Variants in DSP observed in about 807,000 individuals in gnomAD.
DSP encodes the protein 250/210 kDa paraneoplastic pemphigus antigen.
A neutral mutation model predicts 290.6 loss-of-function variants in DSP; 114 were observed. The ratio of observed to expected loss-of-function variants is 0.39; its 90% CI spans 0.34 to 0.46. DSP has a LOEUF of 0.46. Among genes scored for constraint, DSP ranks in the 20% least tolerant of loss-of-function variants. The probability of loss-of-function intolerance (pLI) is 0.99; values close to 1 mark genes in which losing one functional copy is unlikely to be tolerated. For missense variants in DSP, 3,230 were observed against 3,495.8 expected (o/e 0.92, Z 1.92); for synonymous variants, 1,311 against 1,316.4 (o/e 1.00, Z 0.09).
At chr6:7,548,753 G>A (rs1464533598) in intron 1 of DSP, among the ~76,000 whole-genome samples, 6 of 152,312 alleles carry the variant, frequency 3.9e-5, no homozygotes, top group Admixed American at 2.0e-4. Flanking sequence ...GCTCACTGCT[G>A]GAGTGGGAAT....
At position 7,582,185 on chromosome 6, in the gene DSP, A is replaced by G. The variant is rs1376668587; in HGVS notation, c.5380-457A>G. 1.4e-5 allele frequency among the ~76,000 whole-genome samples: 2 copies of G among 146,522 alleles called. No homozygotes were observed. Among genetic ancestry groups the G allele is most frequent in the Non-Finnish European group, 3.0e-5 (2 of 66,724 alleles). The stretch of plus-strand genomic sequence containing the variant: ...GTGTGTGTATATCTATATATTATAT[A>G]TATAATTATATAATTACATAATATA... On this transcript the variant is annotated intron_variant, in intron 23 of 23. Transcript: ENST00000379802. The surrounding 1 kb of genome is among the most constrained non-coding windows in gnomAD (Gnocchi z 4.2).
chr6:7,577,141 A>G (rs1476878763), intron 20 of DSP, 99 bp downstream of exon 20: 4 of 891,682 alleles, frequency 4.5e-6, no homozygotes, highest in East Asian at 5.3e-5. Context: ...TCCTGAGGAT[A>G]GCAATTACGG....
intron 1 of DSP, among the ~76,000 whole-genome samples, chr6:7,554,225 T>C (rs909691930): frequency 6.6e-6 from 1 of 152,090 alleles, no homozygotes; most frequent in Non-Finnish European, 1.5e-5. Flanking sequence ...TGAGGACTTT[T>C]CACAGACATT....
rs1759391942 is a variant in DSP at position 7,580,450 on chromosome 6, A to G, written c.4260A>G (p.Thr1420=). The G allele has an allele frequency of 3.7e-6, 6 of 1,614,098 alleles. No homozygotes were observed. The highest frequency in any genetic ancestry group is 5.1e-6 in the Non-Finnish European group (6 of 1,180,024). Residue 1420 remains threonine, a synonymous_variant, in exon 23 of 24, where the codon ACA becomes ACG. Coordinates refer to ENST00000379802, the MANE Select transcript of DSP (RefSeq NM_004415.4). This position sits in a 1 kb window ranked among gnomAD's most constrained non-coding sequence, Gnocchi z 4.2. ...TGAAGAACACTCTAACCCAGACCAC[A>G]GAGAATCTCAGGAGGGTGGAAGAAG... ...KRLKNTLTQT[T]ENLRRVEEDI...
At position 7,585,673 on chromosome 6, in the gene DSP, A is replaced by C. The variant is rs1341500885; in HGVS notation, c.8411A>C (p.Glu2804Ala). ...VEDITGLRLL[E>A]AASVSSKGLP... ...GATATCACTGGGCTGCGCCTTCTGGAAGCCGCCTCCGTGTCGTCCAAGGGC... is the reference window on the plus strand; with the variant it reads ...GATATCACTGGGCTGCGCCTTCTGGCAGCCGCCTCCGTGTCGTCCAAGGGC... Residue 2804 changes from glutamate (E) to alanine (A), a missense_variant, in exon 24 of 24, where the codon GAA (glutamate) becomes GCA (alanine). Around this residue, in one of 5 missense-constraint regions of DSP, gnomAD observed 582 missense variants for 555.4 expected, o/e 1.05. Transcript: ENST00000379802. The C allele has an allele frequency of 6.2e-7, 1 of 1,614,202 alleles. No homozygotes were observed. Among genetic ancestry groups the C allele is most frequent in the Non-Finnish European group, 8.5e-7 (1 of 1,180,028 alleles).
Position 7,584,331 on chromosome 6 carries a change from G to A in DSP, c.7069G>A (p.Glu2357Lys). The stretch of plus-strand genomic sequence containing the variant: ...CTCTTTGTTCCAAGCCATGAATAAG[G>A]AACTCATCGAAAAGGGCCACGGTAT... ...IISLFQAMNK[E>K]LIEKGHGIRL... Residue 2357 changes from glutamate to lysine, a missense_variant, in exon 24 of 24, where the codon GAA (glutamate) becomes AAA (lysine). By Grantham distance (56) the Glu-to-Lys change is moderately conservative. Coordinates refer to ENST00000379802, the MANE Select transcript of DSP (RefSeq NM_004415.4). The surrounding 1 kb of genome is among the most constrained non-coding windows in gnomAD (Gnocchi z 6.4). 1.2e-6 allele frequency: 2 copies of A among 1,614,110 alleles called. No individual in the cohort carries two copies. The highest frequency in any genetic ancestry group is 1.7e-6 in the Non-Finnish European group (2 of 1,180,008).
At chr6:7,567,756 C>A in intron 9 of DSP, 25 bp from the exon 10 acceptor site, 2 of 1,613,712 alleles carry the variant, frequency 1.2e-6, no homozygotes, top group South Asian at 2.2e-5. Flanking sequence ...GCTGTTCATT[C>A]ACTGATCACT....
intron 9 of DSP, 83 bp from the exon 10 acceptor site, chr6:7,567,698 A>G: frequency 6.3e-7 from 1 of 1,598,248 alleles, no homozygotes; most frequent in Non-Finnish European, 8.6e-7. Context: ...ATGTTTAGGG[A>G]TGACAATCCT....
In DSP at chr6:7,570,492, A is replaced by G; in HGVS notation, c.1630A>G (p.Met544Val). The G allele has an allele frequency of 6.2e-7, 1 of 1,614,158 alleles. No homozygotes were observed. The highest frequency in any genetic ancestry group is 8.5e-7 in the Non-Finnish European group (1 of 1,180,036). The stretch of plus-strand genomic sequence containing the variant: ...TCTGTGGAACCAGCTCTACATCAAC[A>G]TGAAGAGCCTGGTGTCCTGGCACTA... ...LALWNQLYINMKSLVSWHYCM... is the reference protein window; with the variant it reads ...LALWNQLYINVKSLVSWHYCM... Residue 544 changes from methionine to valine, a missense_variant, in exon 13 of 24, where the codon ATG becomes GTG. Around this residue, in one of 5 missense-constraint regions of DSP, gnomAD observed 81 missense variants for 130.5 expected, o/e 0.62. Transcript: ENST00000379802.
chr6:7,548,601 G>A (rs991149642), intron 1 of DSP, among the ~76,000 whole-genome samples: 4 of 152,252 alleles, frequency 2.6e-5, no homozygotes, highest in African/African-American at 9.6e-5. Flanking sequence ...AACACACAGT[G>A]TGAAAATCGA....
At position 7,579,839 on chromosome 6, in the gene DSP, A is replaced by T. The variant is rs770484693; in HGVS notation, c.3649A>T (p.Thr1217Ser). 33 of 1,614,086 alleles carry T rather than the reference A, an allele frequency of 2.0e-5. No homozygotes were observed. Among genetic ancestry groups the T allele is most frequent in the African/African-American group, 2.7e-5 (2 of 74,938 alleles). The change falls in exon 23 of 24, where the codon ACG (threonine) becomes TCG (serine). Residue 1217 changes from threonine to serine, a missense_variant. By Grantham distance (58) the Thr-to-Ser change is moderately conservative. Coordinates refer to ENST00000379802, the MANE Select transcript of DSP (RefSeq NM_004415.4). This position sits in a 1 kb window ranked among gnomAD's most constrained non-coding sequence, Gnocchi z 4.1. The stretch of plus-strand genomic sequence containing the variant: ...CAAGTATGAAACAGAGATTAACATT[A>T]CGAAGACCACCATCAAGGAGATATC... ...RNKYETEINITKTTIKEISMQ... is the reference protein window; with the variant it reads ...RNKYETEINISKTTIKEISMQ...
chr6:7,567,970 G>A (rs1581801985), intron 10 of DSP, 64 bp downstream of exon 10: 1 of 1,599,716 alleles, frequency 6.3e-7, no homozygotes, highest in East Asian at 2.2e-5. Flanking sequence ...CACATGCCTT[G>A]GATGCAGTTG....
Position 7,576,458 on chromosome 6 carries a change from T to C in DSP, c.2793+2T>C. The C allele has an allele frequency of 6.2e-7, 1 of 1,614,100 alleles. No homozygotes were observed. The highest frequency in any genetic ancestry group is 1.7e-4 in the Middle Eastern group (1 of 6,060). On this transcript the variant is annotated splice_donor_variant, in intron 19 of 23. Transcript: ENST00000379802. LOFTEE classifies it high-confidence loss of function. ...ATGCGGTTTTTGAATGAGCAGAAGG[T>C]ATAAGCCAACTTTTTGTTCCATAGC...
chr6:7,566,386 A>G lies in DSP; in HGVS notation c.949A>G (p.Ser317Gly). 6.2e-7 allele frequency: 1 copy of G among 1,613,346 alleles called. No individual in the cohort carries two copies. The highest frequency in any genetic ancestry group is 8.5e-7 in the Non-Finnish European group (1 of 1,179,686). The part of the protein sequence containing the change: ...QKQEAFSIRM[S>G]QLEVKEKELN... ...ATTTCTTCATTCACAGATACGCATG[A>G]GTCAACTGGAAGTTAAAGAAAAAGA... is the stretch of plus-strand genomic sequence containing the variant. Residue 317 changes from serine to glycine, a missense_variant, in exon 8 of 24, where the codon AGT (serine) becomes GGT (glycine). Around this residue, in one of 5 missense-constraint regions of DSP, gnomAD observed 646 missense variants for 684.3 expected, o/e 0.94. Coordinates refer to ENST00000379802, the MANE Select transcript of DSP (RefSeq NM_004415.4).
intron 1 of DSP, among the ~76,000 whole-genome samples, chr6:7,555,349 G>GT (rs2113653176): frequency 6.6e-6 from 1 of 152,208 alleles, no homozygotes; most frequent in East Asian, 1.9e-4. Flanking sequence ...ATAAGTGAAT[G>GT]TTTTTATTCT....
chr6:7,548,712 A>G (rs1231760417), intron 1 of DSP, among the ~76,000 whole-genome samples: 1 of 152,196 alleles, frequency 6.6e-6, no homozygotes, highest in Non-Finnish European at 1.5e-5. Context: ...GTCTTTCTAA[A>G]ATCTATAGAG....
rs144821643 is a variant in DSP at position 7,585,138 on chromosome 6, G to C, written c.7876G>C (p.Glu2626Gln). 6.8e-6 allele frequency: 11 copies of C among 1,614,166 alleles called. No homozygotes were observed. The South Asian group carries it at 7.7e-5, about 11-fold the overall frequency. The part of the protein sequence containing the change: ...SSPIAAIFDT[E>Q]NLEKISITEG... Reference sequence around the variant, plus strand: ...CCCCATTGCAGCCATCTTTGACACAGAAAACCTGGAGAAAATCTCCATTAC... The same window carrying C: ...CCCCATTGCAGCCATCTTTGACACACAAAACCTGGAGAAAATCTCCATTAC... The change falls in exon 24 of 24, where the codon GAA (glutamate) becomes CAA (glutamine). Residue 2626 changes from glutamate (E) to glutamine (Q), a missense_variant. Around this residue, in one of 5 missense-constraint regions of DSP, gnomAD observed 582 missense variants for 555.4 expected, o/e 1.05. Coordinates refer to ENST00000379802, the MANE Select transcript of DSP (RefSeq NM_004415.4).
intron 1 of DSP, among the ~76,000 whole-genome samples, chr6:7,544,959 T>G (rs1279996759): frequency 6.6e-6 from 1 of 152,234 alleles, no homozygotes. Flanking sequence ...GGACATTATA[T>G]TAATACTGTT....
chr6:7,567,215 A>G, intron 8 of DSP, 139 bp from the exon 9 acceptor site: 6 of 765,752 alleles, frequency 7.8e-6, no homozygotes, highest in Non-Finnish European at 1.4e-5. Context: ...TCTCTTTCCA[A>G]CTTTTAGAAA....
Sources: allele counts gnomAD v4.1 joint callset (sites outside exome capture counted in the v4.1 genomes callset), GRCh38; gene constraint gnomAD v4.1.1; regional missense constraint gnomAD v4.1.1; non-coding constraint Gnocchi (gnomAD v3.1); transcripts MANE v1.5; gene names NCBI Gene and HGNC (gene_info 2026-07-23, HGNC 2026-07-21).